The following PAH variants were observed in gnomAD, a reference collection of about 807,000 sequenced individuals.
PAH encodes the protein phenylalanine-4-hydroxylase.
PAH carries 64 observed loss-of-function variants against 62.0 expected under a neutral mutation model. The observed-to-expected ratio is 1.03, with a 90% CI of 0.84 to 1.27. The LOEUF (loss-of-function observed/expected upper bound fraction) is 1.27, where lower values mean the gene tolerates loss of function less well. Ranked by LOEUF, PAH falls within the 50% of genes most tolerant of loss-of-function variation. The probability of loss-of-function intolerance (pLI) is 0.00; values close to 1 mark genes in which losing one functional copy is unlikely to be tolerated. For synonymous variants in PAH, 195 were observed against 196.2 expected, an observed-to-expected ratio of 0.99 and a Z score of 0.05; for missense variants, 579 against 542.8, an observed-to-expected ratio of 1.07 and a Z score of -0.66.
chr12:102,858,386 A>G (rs914058354), intron 5 of PAH, among the ~76,000 whole-genome samples: 13 of 152,250 alleles, frequency 8.5e-5, no homozygotes, highest in Non-Finnish European at 1.9e-4. Context: ...GAGAGCGTTT[A>G]ACACCCCACT....
chr12:102,934,492 A>G (rs959300995), intron 1 of PAH, among the ~76,000 whole-genome samples: 1 of 151,892 alleles, frequency 6.6e-6, no homozygotes, highest in Admixed American at 6.6e-5. Context: ...GATTGCATTG[A>G]ATCTGTATGT....
At chr12:102,899,684 C>G (rs1255244501) in intron 2 of PAH, among the ~76,000 whole-genome samples, 1 of 149,774 alleles carries the variant, frequency 6.7e-6, no homozygotes, top group African/African-American at 2.5e-5. Flanking sequence ...ACGGTGAAAC[C>G]CCGTCTCTAC....
chr12:102,844,307 T>C, intron 10 of PAH, 29 bp downstream of exon 10: 1 of 1,466,260 alleles, frequency 6.8e-7, no homozygotes, highest in South Asian at 1.1e-5. Context: ...CACTTTTAAA[T>C]CTATCCTTGG....
intron 3 of PAH, among the ~76,000 whole-genome samples, chr12:102,882,104 G>A (rs1718304): frequency 0.42 from 64,033 of 151,910 alleles, 13,952 homozygotes; most frequent in Non-Finnish European, 0.46. Flanking sequence ...TCTCTTCTCC[G>A]CATCCTTGCC....
At chr12:102,873,708 G>C (rs1286927554) in intron 4 of PAH, among the ~76,000 whole-genome samples, 1 of 152,122 alleles carries the variant, frequency 6.6e-6, no homozygotes, top group Non-Finnish European at 1.5e-5. Flanking sequence ...TATCCCAACT[G>C]TATTCCATGG....
chr12:102,934,758 T>C (rs1175140291), intron 1 of PAH, among the ~76,000 whole-genome samples: 1 of 152,156 alleles, frequency 6.6e-6, no homozygotes, highest in Non-Finnish European at 1.5e-5. Context: ...TGATTTTCTA[T>C]GTTAATTTTA....
At chr12:102,879,986 C>T (rs1039360571) in intron 3 of PAH, among the ~76,000 whole-genome samples, 1 of 152,222 alleles carries the variant, frequency 6.6e-6, no homozygotes, top group African/African-American at 2.4e-5. Flanking sequence ...AAACATTTCA[C>T]ATATGCTACC....
chr12:102,902,266 G>A (rs1326602497), intron 2 of PAH, among the ~76,000 whole-genome samples: 1 of 152,224 alleles, frequency 6.6e-6, no homozygotes. Context: ...AAGCGGGGGT[G>A]TGAAGACACC....
At chr12:102,917,765 G>A (rs1592991664), upstream of PAH, among the ~76,000 whole-genome samples, 1 of 152,198 alleles carries the variant, frequency 6.6e-6, no homozygotes, top group East Asian at 1.9e-4. Flanking sequence ...AGCGATCTGG[G>A]TTTAAATCCA....
chr12:102,943,967 C>A (rs1879391810), intron 1 of PAH, among the ~76,000 whole-genome samples: 1 of 152,126 alleles, frequency 6.6e-6, no homozygotes, highest in Non-Finnish European at 1.5e-5. Context: ...ATCGGTACAC[C>A]AAACCCCTGT....
At chr12:102,882,490 G>C (rs1429060733) in intron 3 of PAH, among the ~76,000 whole-genome samples, 1 of 151,926 alleles carries the variant, frequency 6.6e-6, no homozygotes, top group Non-Finnish European at 1.5e-5. Flanking sequence ...GATGTTAAAT[G>C]AGTTAATATG....
intron 1 of PAH, among the ~76,000 whole-genome samples, chr12:102,941,439 GC>G (rs1879283886): frequency 6.6e-6 from 1 of 152,056 alleles, no homozygotes; most frequent in South Asian, 2.1e-4. Flanking sequence ...ACATCCATAG[GC>G]TAAAAGTAAA....
chr12:102,889,259 G>T (rs2136694455), intron 3 of PAH, among the ~76,000 whole-genome samples: 1 of 152,260 alleles, frequency 6.6e-6, no homozygotes, highest in East Asian at 1.9e-4. Flanking sequence ...TGAAATGTCA[G>T]CTTTACTCAG....
At chr12:102,839,536 A>G (rs1874497409) in intron 12 of PAH, among the ~76,000 whole-genome samples, 1 of 152,272 alleles carries the variant, frequency 6.6e-6, no homozygotes, top group South Asian at 2.1e-4. Context: ...ACAAGAAGCG[A>G]AATCATTGAA....
At chr12:102,915,715 C>A (rs1370857221) in intron 1 of PAH, among the ~76,000 whole-genome samples, 1 of 152,114 alleles carries the variant, frequency 6.6e-6, no homozygotes, top group African/African-American at 2.4e-5. Context: ...CTGGGCTTTA[C>A]CTAAACCTGT....
At chr12:102,958,379 GGCAGCGCAGAGCGCGCAGCAGCAGCA>G, upstream of PAH, 1 of 1,485,360 alleles carries the variant, frequency 6.7e-7, no homozygotes. Context: ...CCGCCGCAGC[GGCAGCGCAGAGCGCGCAGCAGCAGCA>G]GCAGCAGCAG....
At chr12:102,871,628 A>G (rs144725668) in intron 4 of PAH, among the ~76,000 whole-genome samples, 1 of 152,230 alleles carries the variant, frequency 6.6e-6, no homozygotes, top group African/African-American at 2.4e-5. Context: ...CTGTTCAAAA[A>G]TTATGCAAAA....
In PAH at chr12:102,843,525, T is replaced by C. The variant is rs1874676329; in HGVS notation, c.1199+121A>G. 8.0e-6 allele frequency: 8 copies of C among 994,044 alleles called. No homozygotes were observed. In the East Asian group the frequency reaches 1.7e-4, roughly 22 times the overall value. 61.6% of individuals were successfully genotyped at this position (994,044 alleles called of 1,614,324 possible). On this transcript the variant is annotated intron_variant, in intron 11 of 12. Coordinates refer to ENST00000553106, the MANE Select transcript of PAH (RefSeq NM_000277.3). ...AGGGTGGAGAACATGGGAGAGAAACTGTCTATGGTACAAAGTTGCTGTAGA... is the reference window on the plus strand; with the variant it reads ...AGGGTGGAGAACATGGGAGAGAAACCGTCTATGGTACAAAGTTGCTGTAGA...
upstream of PAH, among the ~76,000 whole-genome samples, chr12:102,918,663 C>T (rs1454781393): frequency 6.6e-6 from 1 of 151,554 alleles, no homozygotes; most frequent in Non-Finnish European, 1.5e-5. Flanking sequence ...AGGCTGTCTA[C>T]TGTCTGCTAA....
Sources: gnomAD v4.1 joint callset for allele counts (sites outside exome capture counted in the v4.1 genomes callset) on GRCh38, gnomAD v4.1.1 for gene constraint, MANE v1.5 for transcripts, NCBI Gene and HGNC (gene_info 2026-07-23, HGNC 2026-07-21) for gene names.